Variants in ZMIZ2 observed in about 807,000 individuals in gnomAD.
ZMIZ2 encodes zinc finger MIZ-type containing 2.
ZMIZ2 carries 26 observed loss-of-function variants against 93.9 expected under a neutral mutation model. That is an observed-to-expected ratio of 0.28 (90% CI 0.20 to 0.38). The LOEUF (loss-of-function observed/expected upper bound fraction) is 0.38, where lower values mean the gene tolerates loss of function less well. Among genes scored for constraint, ZMIZ2 ranks in the 10% least tolerant of loss-of-function variants. The pLI is 1.00. For synonymous variants in ZMIZ2, 485 were observed against 516.4 expected, an observed-to-expected ratio of 0.94 and a Z score of 0.82; for missense variants, 1,023 against 1,235.0, an observed-to-expected ratio of 0.83 and a Z score of 2.57.
rs756543847 is a variant in ZMIZ2 at position 44,757,950 on chromosome 7, A to G, written c.655A>G (p.Met219Val). 4.6e-5 allele frequency: 74 copies of G among 1,612,044 alleles called. No homozygotes were observed. Among genetic ancestry groups the G allele is most frequent in the Non-Finnish European group, 6.1e-5 (72 of 1,179,102 alleles). ...GMNPTGIGGV[M>V]GPSGLSPLAM... Reference sequence around the variant, plus strand: ...GAACCCTACTGGCATAGGAGGGGTAATGGGCCCCTCTGGCCTCTCCCCCTT... The same window carrying G: ...GAACCCTACTGGCATAGGAGGGGTAGTGGGCCCCTCTGGCCTCTCCCCCTT... The change falls in exon 6 of 19, where the codon ATG (methionine) becomes GTG (valine). Residue 219 changes from methionine (M) to valine (V), a missense_variant. This residue lies in a region of ZMIZ2 where 656 missense variants were observed against 777.1 expected (regional missense o/e 0.84). Coordinates refer to ENST00000309315, the MANE Select transcript of ZMIZ2 (RefSeq NM_031449.4).
Position 44,763,600 on chromosome 7 carries a change from C to A in ZMIZ2, c.1860+187C>A. The A allele has an allele frequency of 1.4e-6, 1 of 709,578 alleles. No homozygotes were observed. Among genetic ancestry groups the A allele is most frequent in the Non-Finnish European group, 2.2e-6 (1 of 449,882 alleles). 44.0% of individuals were successfully genotyped at this position (709,578 alleles called of 1,614,324 possible). On this transcript the variant is annotated intron_variant, in intron 13 of 18. Coordinates refer to ENST00000309315, the MANE Select transcript of ZMIZ2 (RefSeq NM_031449.4). The surrounding 1 kb of genome is among the most constrained non-coding windows in gnomAD (Gnocchi z 5.6). ...CCCCAAGACTAGGCTATTTTTTCTT[C>A]CAAATATAATTGTCATTTTACTAAC...
intron 11 of ZMIZ2, 110 bp from the exon 12 acceptor site, chr7:44,762,771 C>A: frequency 2.0e-6 from 1 of 490,924 alleles, no homozygotes; most frequent in African/African-American, 2.0e-5. Flanking sequence ...TCAGCCTTGT[C>A]CCTCCCCCAC....
chr7:44,758,125 C>T lies in ZMIZ2; in HGVS notation c.813+17C>T. The T allele has an allele frequency of 3.9e-6, 6 of 1,519,534 alleles. No homozygotes were observed. The highest frequency in any genetic ancestry group is 5.3e-6 in the Non-Finnish European group (6 of 1,133,856). The allele number at this position is 1,519,534 out of a possible 1,614,324, so 94.1% of individuals were successfully genotyped here. A position where few individuals can be genotyped will look rare whatever the true frequency, so the allele number is the denominator to read the frequency against. ...TACTCTGAGGTGAGTGTCCAGGTCACCTAGTTTGGGGCCTTGGGTACCAAC... is the reference window on the plus strand; with the variant it reads ...TACTCTGAGGTGAGTGTCCAGGTCATCTAGTTTGGGGCCTTGGGTACCAAC... On this transcript the variant is annotated intron_variant, in intron 6 of 18. Transcript: ENST00000309315.
chr7:44,768,730 T>C lies in ZMIZ2; in HGVS notation c.*1107T>C, dbSNP rs558727833. 6 of 152,264 alleles carry C rather than the reference T, an allele frequency of 3.9e-5. No individual in the cohort carries two copies. The East Asian group carries it at 1.2e-3, about 29-fold the overall frequency. 9.4% of individuals were successfully genotyped at this position (152,264 alleles called of 1,614,324 possible). Reference sequence around the variant, plus strand: ...CCCTCCTTTGTGCTCCCAGGGACTATTTTCTCCTCGTAAGCCAGCGACCTG... The same window carrying C: ...CCCTCCTTTGTGCTCCCAGGGACTACTTTCTCCTCGTAAGCCAGCGACCTG... On this transcript the variant is annotated 3_prime_UTR_variant, in exon 19 of 19. Coordinates refer to ENST00000309315, the MANE Select transcript of ZMIZ2 (RefSeq NM_031449.4).
At chr7:44,751,391 G>A (rs1196837179) in intron 1 of ZMIZ2, among the ~76,000 whole-genome samples, 1 of 152,238 alleles carries the variant, frequency 6.6e-6, no homozygotes, top group Admixed American at 6.5e-5. Flanking sequence ...CCAGCTGCGA[G>A]CTGGTTTTGA....
intron 13 of ZMIZ2, among the ~76,000 whole-genome samples, chr7:44,764,186 C>T (rs926262064): frequency 6.6e-6 from 1 of 152,204 alleles, no homozygotes; most frequent in African/African-American, 2.4e-5. Context: ...CCAGTCAGCA[C>T]AGCTGCCCGA....
At chr7:44,758,357 G>C (rs1347991528) in intron 6 of ZMIZ2, among the ~76,000 whole-genome samples, 2 of 151,934 alleles carry the variant, frequency 1.3e-5, no homozygotes, top group African/African-American at 2.4e-5. Flanking sequence ...TGTAGTCATA[G>C]CTACTTGGGA....
In ZMIZ2 at chr7:44,766,203, TCCCACCCACCAC is replaced by T; in HGVS notation, c.2283_2294del (p.Phe761_Thr765delinsLeu). 3 of 1,598,456 alleles carry T rather than the reference TCCCACCCACCAC, an allele frequency of 1.9e-6. No individual in the cohort carries two copies. The highest frequency in any genetic ancestry group is 2.6e-6 in the Non-Finnish European group (3 of 1,167,488). ...GGGCCTGGAACTTTCCCTGAGTCCT[TCCCACCCACCAC>T]GCCCAGCACCCCAACCCTTGCTGAG... On this transcript the variant is annotated inframe_deletion, in exon 17 of 19. Coordinates refer to ENST00000309315, the MANE Select transcript of ZMIZ2 (RefSeq NM_031449.4). The surrounding 1 kb of genome is among the most constrained non-coding windows in gnomAD (Gnocchi z 4.4).
chr7:44,757,259 T>C, intron 4 of ZMIZ2, 110 bp downstream of exon 4: 1 of 1,502,400 alleles, frequency 6.7e-7, no homozygotes, highest in Non-Finnish European at 8.8e-7. Flanking sequence ...TCCTGACAGC[T>C]GTAGTGGAGG....
Position 44,756,531 on chromosome 7 carries a change from CAG to C in ZMIZ2, c.160_161del (p.Ser54ProfsTer42). 1 of 1,614,006 alleles carries C rather than the reference CAG, an allele frequency of 6.2e-7. No homozygotes were observed. Among genetic ancestry groups the C allele is most frequent in the Non-Finnish European group, 8.5e-7 (1 of 1,180,004 alleles). Reference protein sequence around the residue: ...TTVWGVGNATQSQVLGNPMGP... With the variant: ...TTVWGVGNATXSQVLGNPMGP... ...TGTGTGGGGAGTTGGCAACGCGACACAGAGCCAGGTAAGCACCCACTGGTGCC... is the reference window on the plus strand; with the variant it reads ...TGTGTGGGGAGTTGGCAACGCGACACAGCCAGGTAAGCACCCACTGGTGCC... On this transcript the variant is annotated frameshift_variant, in exon 3 of 19. Coordinates refer to ENST00000309315, the MANE Select transcript of ZMIZ2 (RefSeq NM_031449.4). LOFTEE classifies it high-confidence loss of function.
At position 44,761,986 on chromosome 7, in the gene ZMIZ2, GGGGCGGGGTGT is replaced by G; in HGVS notation, c.1596+90_1596+100del. On this transcript the variant is annotated intron_variant, in intron 11 of 18. Transcript: ENST00000309315. The surrounding 1 kb of genome is among the most constrained non-coding windows in gnomAD (Gnocchi z 5.8). ...GCCTGGCCCAGCGGTGCCGTGGGGT[GGGGCGGGGTGT>G]GGGCGGGGCCTGGCCCAGCGGCGCA... 1 of 1,399,548 alleles carries G rather than the reference GGGGCGGGGTGT, an allele frequency of 7.1e-7. No homozygotes were observed. Among genetic ancestry groups the G allele is most frequent in the Non-Finnish European group, 9.3e-7 (1 of 1,070,274 alleles). 86.7% of individuals were successfully genotyped at this position (1,399,548 alleles called of 1,614,324 possible).
rs1321150661 is a variant in ZMIZ2 at position 44,760,306 on chromosome 7, C to T, written c.1071+78C>T. 3.8e-6 allele frequency: 6 copies of T among 1,566,742 alleles called. No homozygotes were observed. The African/African-American group carries it at 6.8e-5, about 18-fold the overall frequency. On this transcript the variant is annotated intron_variant, in intron 8 of 18. Coordinates refer to ENST00000309315, the MANE Select transcript of ZMIZ2 (RefSeq NM_031449.4). The stretch of plus-strand genomic sequence containing the variant: ...GGAGAGAGGGCGACCGGGCAGGCAC[C>T]CCTGGGGCCGCCTCCTGTCCACCTC...
chr7:44,756,046 T>TC, intron 1 of ZMIZ2, 142 bp from the exon 2 acceptor site: 1 of 665,604 alleles, frequency 1.5e-6, no homozygotes, highest in East Asian at 2.7e-5. Flanking sequence ...ACTAGGCCCC[T>TC]CCACTGCCTT....
upstream of ZMIZ2, chr7:44,748,683 G>C (rs1296961625): frequency 2.0e-5 from 3 of 150,796 alleles, no homozygotes; most frequent in Non-Finnish European, 3.0e-5. Context: ...TCTCCTGCCC[G>C]CCCAGCCACC....
rs779878376 is a variant in ZMIZ2, at chr7:44,764,505, G to C, written c.1928+19G>C. On this transcript the variant is annotated intron_variant, in intron 14 of 18. Coordinates refer to ENST00000309315, the MANE Select transcript of ZMIZ2 (RefSeq NM_031449.4). ...TGTGCAAGTGAGTCTCAGATGCAGC[G>C]TGTGATGGAGGAGGGGCTGGTGCTT... The C allele has an allele frequency of 1.9e-6, 3 of 1,613,202 alleles. No homozygotes were observed. Among genetic ancestry groups the C allele is most frequent in the South Asian group, 1.1e-5 (1 of 90,936 alleles).
chr7:44,759,438 G>A lies in ZMIZ2; in HGVS notation c.971G>A (p.Gly324Asp). The change falls in exon 7 of 19, where the codon GGC becomes GAC. Residue 324 changes from glycine to aspartate, a missense_variant. Physicochemically the swap from Gly to Asp is moderately conservative, Grantham distance 94. Coordinates refer to ENST00000309315, the MANE Select transcript of ZMIZ2 (RefSeq NM_031449.4). ...QGMTQSLSVPGPTGLHYKPTE... is the reference protein window; with the variant it reads ...QGMTQSLSVPDPTGLHYKPTE... ...ATGACCCAGTCCCTGTCCGTGCCTG[G>A]CCCCACGGGACTGCATTATAAGGTA... 6.4e-7 allele frequency: 1 copy of A among 1,572,842 alleles called. No homozygotes were observed. The highest frequency in any genetic ancestry group is 8.6e-7 in the Non-Finnish European group (1 of 1,159,768).
rs1465300006 is a variant in ZMIZ2, at chr7:44,766,902, C to G, written c.2655+239C>G. Among the ~76,000 whole-genome samples the G allele has an allele frequency of 6.6e-6, 1 of 152,164 alleles. No individual in the cohort carries two copies. Among genetic ancestry groups the G allele is most frequent in the Non-Finnish European group, 1.5e-5 (1 of 68,036 alleles). On this transcript the variant is annotated intron_variant, in intron 18 of 18. Coordinates refer to ENST00000309315, the MANE Select transcript of ZMIZ2 (RefSeq NM_031449.4). This position sits in a 1 kb window ranked among gnomAD's most constrained non-coding sequence, Gnocchi z 4.4. Reference sequence around the variant, plus strand: ...TGCCGTACGGGCGGACGCAGAGTCTCAGAGGAGACTGCACTGGAAGCTGAC... The same window carrying G: ...TGCCGTACGGGCGGACGCAGAGTCTGAGAGGAGACTGCACTGGAAGCTGAC...
rs575153729 is a variant in ZMIZ2, at chr7:44,759,726, A to G, written c.993+266A>G. 862 of 466,816 alleles carry G rather than the reference A, an allele frequency of 1.8e-3. 15 individuals are homozygous for G. Among genetic ancestry groups the G allele is most frequent in the South Asian group, 0.015 (435 of 28,276 alleles). 28.9% of individuals were successfully genotyped at this position (466,816 alleles called of 1,614,324 possible). Reference sequence around the variant, plus strand: ...TACAAGATTCATATATCTCAGGGGTATCCTGTGCAGGGAGCAGCAGGTGGG... The same window carrying G: ...TACAAGATTCATATATCTCAGGGGTGTCCTGTGCAGGGAGCAGCAGGTGGG... On this transcript the variant is annotated intron_variant, in intron 7 of 18. Coordinates refer to ENST00000309315, the MANE Select transcript of ZMIZ2 (RefSeq NM_031449.4).
chr7:44,765,120 T>C lies in ZMIZ2; in HGVS notation c.1997+111T>C. ...GCAGCCTTCCAGCCTTTTTCCGGCA[T>C]GGAGCAGGCTGGATTCCAGGCCAGA... On this transcript the variant is annotated intron_variant, in intron 15 of 18. Transcript: ENST00000309315. The surrounding 1 kb of genome is among the most constrained non-coding windows in gnomAD (Gnocchi z 4.1). The C allele has an allele frequency of 2.7e-6, 4 of 1,485,574 alleles. No individual in the cohort carries two copies. The highest frequency in any genetic ancestry group is 2.8e-6 in the Non-Finnish European group (3 of 1,085,010). 92.0% of individuals were successfully genotyped at this position (1,485,574 alleles called of 1,614,324 possible).
Sources: gnomAD v4.1 joint callset for allele counts (sites outside exome capture counted in the v4.1 genomes callset) on GRCh38, gnomAD v4.1.1 for gene constraint, gnomAD v4.1.1 regional missense constraint, Gnocchi (gnomAD v3.1) non-coding constraint, MANE v1.5 for transcripts, NCBI Gene and HGNC (gene_info 2026-07-23, HGNC 2026-07-21) for gene names.